PSMG4: variants seen among roughly 807,000 people sequenced by gnomAD.
PSMG4 encodes the protein proteasome assembly chaperone 4.
A neutral mutation model predicts 11.0 loss-of-function variants in PSMG4; 10 were observed. The observed-to-expected ratio is 0.91, with a 90% confidence interval of 0.56 to 1.54. The LOEUF (loss-of-function observed/expected upper bound fraction) is 1.54, where lower values mean the gene tolerates loss of function less well. Ranked by LOEUF, PSMG4 falls within the 40% of genes most tolerant of loss-of-function variation. The pLI is 0.00. For missense variants in PSMG4, 198 were observed against 160.9 expected, an observed-to-expected ratio of 1.23 and a Z score of -1.25; for synonymous variants, 95 against 71.3, an observed-to-expected ratio of 1.33 and a Z score of -1.68.
At chr6:3,256,971 G>T (rs994982538), upstream of PSMG4, among the ~76,000 whole-genome samples, 3 of 152,112 alleles carry the variant, frequency 2.0e-5, no homozygotes, top group African/African-American at 7.2e-5. Context: ...TCCTGAGGAC[G>T]TGAAAGGACA....
intron 1 of PSMG4, among the ~76,000 whole-genome samples, chr6:3,260,691 ACATT>A (rs1477738084): frequency 6.6e-6 from 1 of 152,242 alleles, no homozygotes; most frequent in East Asian, 1.9e-4. Context: ...AAACAAGGTC[ACATT>A]CATAGGTACC....
intron 2 of PSMG4, chr6:3,264,259 T>G (rs551491429): frequency 6.4e-7 from 1 of 1,551,404 alleles, no homozygotes; most frequent in African/African-American, 1.4e-5. Context: ...AGAGTGGGGA[T>G]TAAGCAAAGG....
intron 1 of PSMG4, among the ~76,000 whole-genome samples, chr6:3,260,422 G>A (rs2127258472): frequency 6.6e-6 from 1 of 151,346 alleles, no homozygotes. Flanking sequence ...CTGAGTAGCT[G>A]GGATTACAGG....
chr6:3,255,308 T>G (rs752923501), upstream of PSMG4: 2 of 1,513,782 alleles, frequency 1.3e-6, no homozygotes, highest in African/African-American at 1.4e-5. Flanking sequence ...GGGAGAGTGG[T>G]GGATGAGGCT....
At chr6:3,264,497 C>G in intron 2 of PSMG4, 3 of 1,265,356 alleles carry the variant, frequency 2.4e-6, no homozygotes, top group Non-Finnish European at 2.1e-6. Flanking sequence ...GCAGGAACCT[C>G]TGTGTCAGTC....
chr6:3,254,622 A>G (rs1055028336), upstream of PSMG4, among the ~76,000 whole-genome samples: 2 of 152,098 alleles, frequency 1.3e-5, no homozygotes, highest in African/African-American at 4.8e-5. Context: ...TAGCTTTAAG[A>G]GGTGTAACAC....
At chr6:3,254,545 G>A (rs1757672315), upstream of PSMG4, among the ~76,000 whole-genome samples, 2 of 152,112 alleles carry the variant, frequency 1.3e-5, no homozygotes, top group Admixed American at 1.3e-4. Flanking sequence ...TGGAAGGTGT[G>A]CAGATTTGTT....
chr6:3,264,162 A>G, intron 2 of PSMG4: 1 of 1,548,596 alleles, frequency 6.5e-7, no homozygotes, highest in Non-Finnish European at 8.7e-7. Flanking sequence ...AGCAGGTGTC[A>G]CCTCTGTGCA....
chr6:3,254,470 T>A, upstream of PSMG4, among the ~76,000 whole-genome samples: 1 of 152,290 alleles, frequency 6.6e-6, no homozygotes, highest in South Asian at 2.1e-4. Flanking sequence ...TGTGTCTTTT[T>A]AGATAAATAT....
chr6:3,259,416 C>A (rs1236611219), intron 1 of PSMG4, among the ~76,000 whole-genome samples: 2 of 152,262 alleles, frequency 1.3e-5, no homozygotes, highest in African/African-American at 4.8e-5. Flanking sequence ...TCCCGCCGCC[C>A]CGCAGCTGCG....
upstream of PSMG4, among the ~76,000 whole-genome samples, chr6:3,258,604 G>A (rs925856437): frequency 1.3e-5 from 2 of 152,158 alleles, no homozygotes; most frequent in Non-Finnish European, 2.9e-5. Flanking sequence ...CGGCCTGGGA[G>A]GACGGTGCGG....
chr6:3,264,066 G>A, intron 2 of PSMG4: 2 of 1,446,942 alleles, frequency 1.4e-6, no homozygotes, highest in South Asian at 1.4e-5. Context: ...CTCCTGGGAG[G>A]AGAGCATGAG....
chr6:3,259,050 G>T lies in PSMG4; in HGVS notation c.28G>T (p.Gly10Trp). MEGLVVAAG[G>W]DVSLHNFSAR... The stretch of plus-strand genomic sequence containing the variant: ...GGAGGGGCTGGTTGTCGCCGCCGGC[G>T]GGGACGTCTCCCTGCACAACTTCAG... The change falls in exon 1 of 3, where the codon GGG becomes TGG. Residue 10 changes from glycine to tryptophan, a missense_variant. By Grantham distance (184) the Gly-to-Trp change is radical (BLOSUM62 -2). Transcript: ENST00000438998. The T allele has an allele frequency of 8.0e-7, 1 of 1,255,454 alleles. No individual in the cohort carries two copies. Among genetic ancestry groups the T allele is most frequent in the Non-Finnish European group, 1.0e-6 (1 of 998,356 alleles). 77.8% of individuals were successfully genotyped at this position (1,255,454 alleles called of 1,614,324 possible).
upstream of PSMG4, among the ~76,000 whole-genome samples, chr6:3,255,880 C>T (rs1478676317): frequency 1.3e-5 from 2 of 151,798 alleles, no homozygotes; most frequent in African/African-American, 2.4e-5. Context: ...TTTTGTCTTC[C>T]TCTTTCCTGA....
chr6:3,265,753 T>G (rs1373510325), intron 2 of PSMG4: 1 of 152,034 alleles, frequency 6.6e-6, no homozygotes, highest in Non-Finnish European at 1.5e-5. Context: ...CTAAGAGGCT[T>G]CCTCACTCCC....
At chr6:3,264,394 C>G (rs1035332579) in intron 2 of PSMG4, 28 of 1,510,312 alleles carry the variant, frequency 1.9e-5, no homozygotes, top group African/African-American at 1.7e-4. Context: ...GGATGCCTGT[C>G]TCCTGCCCAG....
upstream of PSMG4, chr6:3,255,276 CG>C: frequency 6.5e-7 from 1 of 1,539,434 alleles, no homozygotes; most frequent in East Asian, 2.5e-5. Flanking sequence ...GGCTGTCTTA[CG>C]GGTCTATCGG....
chr6:3,256,385 G>A (rs939960642), upstream of PSMG4, among the ~76,000 whole-genome samples: 1 of 152,188 alleles, frequency 6.6e-6, no homozygotes, highest in African/African-American at 2.4e-5. Context: ...GTTCCTGTAT[G>A]GATGGTTCCC....
intron 2 of PSMG4, chr6:3,265,174 C>T (rs1319889913): frequency 1.3e-5 from 2 of 152,208 alleles, no homozygotes; most frequent in African/African-American, 4.8e-5. Context: ...GCCGTGGCTT[C>T]CGGCGTCTCT....
Sources: gnomAD v4.1 joint callset for allele counts (sites outside exome capture counted in the v4.1 genomes callset) on GRCh38, gnomAD v4.1.1 for gene constraint, MANE v1.5 for transcripts, NCBI Gene and HGNC (gene_info 2026-07-23, HGNC 2026-07-21) for gene names.